METTL4: variants seen among roughly 807,000 people sequenced by gnomAD.
The protein encoded by METTL4 is methyltransferase 4, N6-adenosine, also known as N(6)-adenine-specific methyltransferase METTL4.
In METTL4, 40 loss-of-function variants were observed where a neutral mutation model predicts 54.0. The observed-to-expected ratio is 0.74, with a 90% CI of 0.58 to 0.96. METTL4 has a LOEUF of 0.96. METTL4 is among the 50% of genes least tolerant of loss of function. The pLI is 0.00. For synonymous variants in METTL4, 169 were observed against 183.8 expected (o/e 0.92, Z 0.65); for missense variants, 525 against 549.0 (o/e 0.96, Z 0.44).
chr18:2,570,068 G>A (rs921870608), intron 1 of METTL4, among the ~76,000 whole-genome samples: 3 of 152,218 alleles, frequency 2.0e-5, no homozygotes, highest in Non-Finnish European at 4.4e-5. Flanking sequence ...ACAACTGTAA[G>A]CACACATGAT....
intron 5 of METTL4, among the ~76,000 whole-genome samples, chr18:2,549,440 G>A (rs1029356873): frequency 6.6e-6 from 1 of 152,172 alleles, no homozygotes; most frequent in East Asian, 1.9e-4. Flanking sequence ...AGAAAGAAGA[G>A]GACAGAGAAT....
Position 2,544,212 on chromosome 18 carries a change from T to C in METTL4, c.1256A>G (p.His419Arg), listed in dbSNP as rs954569494. 3 of 1,609,634 alleles carry C rather than the reference T, an allele frequency of 1.9e-6. No homozygotes were observed. Among genetic ancestry groups the C allele is most frequent in the Admixed American group, 1.7e-5 (1 of 58,802 alleles). Residue 419 changes from histidine to arginine, a missense_variant, in exon 8 of 9, where the codon CAT (histidine) becomes CGT (arginine). Physicochemically the swap from His to Arg is conservative, Grantham distance 29 (BLOSUM62 0). Coordinates refer to ENST00000574538, the MANE Select transcript of METTL4 (RefSeq NM_022840.5). ...IVSVPCTLHS[H>R]KPPLAEVLKD... is the part of the protein sequence containing the mutation. ...AAACATACCAGCAAGCGGTGGCTTATGTGAGTGAAGAGTACAGGGCACGCT... is the reference window on the plus strand; with the variant it reads ...AAACATACCAGCAAGCGGTGGCTTACGTGAGTGAAGAGTACAGGGCACGCT...
chr18:2,564,280 A>G (rs1036630844), intron 2 of METTL4, among the ~76,000 whole-genome samples: 3 of 151,364 alleles, frequency 2.0e-5, no homozygotes, highest in Non-Finnish European at 4.4e-5. Flanking sequence ...GCATGGTGGC[A>G]GGCGCCTGTA....
At position 2,554,668 on chromosome 18, in the gene METTL4, C is replaced by G. The variant is rs148311311; in HGVS notation, c.829+1G>C. ...TAATAACAAACACAATAATTACTTACAGTTTAGAAGTGGTTGCATACAAGA... is the reference window on the plus strand; with the variant it reads ...TAATAACAAACACAATAATTACTTAGAGTTTAGAAGTGGTTGCATACAAGA... On this transcript the variant is annotated splice_donor_variant, in intron 4 of 8. Transcript: ENST00000574538. LOFTEE classifies it high-confidence loss of function. 2 of 1,586,894 alleles carry G rather than the reference C, an allele frequency of 1.3e-6. No homozygotes were observed. The highest frequency in any genetic ancestry group is 1.7e-6 in the Non-Finnish European group (2 of 1,173,700).
chr18:2,550,429 AG>A (rs2143512219), intron 5 of METTL4, among the ~76,000 whole-genome samples: 1 of 152,358 alleles, frequency 6.6e-6, no homozygotes, highest in Non-Finnish European at 1.5e-5. Context: ...CAGGCACTGT[AG>A]AAATTAGTTT....
At chr18:2,559,407 G>C (rs945546057) in intron 3 of METTL4, among the ~76,000 whole-genome samples, 1 of 150,026 alleles carries the variant, frequency 6.7e-6, no homozygotes, top group Admixed American at 6.8e-5. Flanking sequence ...AATTCACAGA[G>C]ACAGAAAGTA....
rs755968723 is a variant in METTL4, at chr18:2,561,216, G to A, written c.459+2581C>T. The A allele has an allele frequency of 5.3e-5, 8 of 152,116 alleles. No individual in the cohort carries two copies. The East Asian group carries it at 7.7e-4, about 15-fold the overall frequency. 9.4% of individuals were successfully genotyped at this position (152,116 alleles called of 1,614,324 possible). A position where few individuals can be genotyped will look rare whatever the true frequency, so the allele number is the denominator to read the frequency against. On this transcript the variant is annotated intron_variant, in intron 3 of 8. Transcript: ENST00000574538. ...ATGCACACAAATATTCTTTAATATT[G>A]TATTATAATTTCCACCCTACAGAAT...
At chr18:2,556,121 T>A (rs770450150) in intron 3 of METTL4, among the ~76,000 whole-genome samples, 11 of 152,012 alleles carry the variant, frequency 7.2e-5, no homozygotes, top group South Asian at 2.1e-4. Flanking sequence ...GATCAACACA[T>A]GCATGGGATG....
chr18:2,567,472 C>T lies in METTL4; in HGVS notation c.-256G>A, dbSNP rs1487011738. 4.1e-5 allele frequency: 11 copies of T among 270,320 alleles called. No individual in the cohort carries two copies. Among genetic ancestry groups the T allele is most frequent in the Admixed American group, 1.1e-4 (2 of 18,996 alleles). 16.7% of individuals were successfully genotyped at this position (270,320 alleles called of 1,614,324 possible). A position where few individuals can be genotyped will look rare whatever the true frequency, so the allele number is the denominator to read the frequency against. ...CTTTTTAATTTCAGAGTTGATAATT[C>T]AACATTTTCAGCCAAAATTTGGCCA... is the stretch of plus-strand genomic sequence containing the variant. On this transcript the variant is annotated 5_prime_UTR_variant, in exon 2 of 9. Transcript: ENST00000574538.
At position 2,567,447 on chromosome 18, in the gene METTL4, C is replaced by G. The variant is rs1384993232; in HGVS notation, c.-231G>C. On this transcript the variant is annotated 5_prime_UTR_variant, in exon 2 of 9. Coordinates refer to ENST00000574538, the MANE Select transcript of METTL4 (RefSeq NM_022840.5). The stretch of plus-strand genomic sequence containing the variant: ...ATTGCAATGTTTTAATATAAACTTT[C>G]TTTTTAATTTCAGAGTTGATAATTC... 9 of 338,654 alleles carry G rather than the reference C, an allele frequency of 2.7e-5. No homozygotes were observed. In the East Asian group the frequency reaches 4.5e-4, roughly 17 times the overall value. 21.0% of individuals were successfully genotyped at this position (338,654 alleles called of 1,614,324 possible).
chr18:2,560,742 A>G (rs1335488609), intron 3 of METTL4, among the ~76,000 whole-genome samples: 1 of 151,848 alleles, frequency 6.6e-6, no homozygotes, highest in Admixed American at 6.6e-5. Flanking sequence ...AGCTGGGCGT[A>G]GTGGCGGGCG....
intron 5 of METTL4, among the ~76,000 whole-genome samples, chr18:2,550,363 T>C (rs1053376356): frequency 6.6e-6 from 1 of 151,948 alleles, no homozygotes; most frequent in Non-Finnish European, 1.5e-5. Context: ...AGAAAGAAAA[T>C]GGTGAGAATG....
chr18:2,556,249 T>A (rs924731086), intron 3 of METTL4, among the ~76,000 whole-genome samples: 3 of 151,650 alleles, frequency 2.0e-5, no homozygotes, highest in Non-Finnish European at 4.4e-5. Flanking sequence ...GAAAACCTCA[T>A]AACTCACAGA....
At position 2,567,294 on chromosome 18, in the gene METTL4, C is replaced by A; in HGVS notation, c.-78G>T. On this transcript the variant is annotated 5_prime_UTR_variant, in exon 2 of 9. Transcript: ENST00000574538. ...CTTTCCAGATCAGCTTCTTAAATAT[C>A]TTGTATTTCAATAAACATACACTTC... 1 of 1,345,238 alleles carries A rather than the reference C, an allele frequency of 7.4e-7. No individual in the cohort carries two copies. The highest frequency in any genetic ancestry group is 1.5e-5 in the South Asian group (1 of 68,912). The allele number at this position is 1,345,238 out of a possible 1,614,324, so 83.3% of individuals were successfully genotyped here.
In METTL4 at chr18:2,537,818, T is replaced by C; in HGVS notation, c.*1182A>G. On this transcript the variant is annotated 3_prime_UTR_variant, in exon 9 of 9. Transcript: ENST00000574538. ...CGTGAAAGAAGCCAGGCACAATAGA[T>C]TACACATTGCATGATTCCATTTATA... The C allele has an allele frequency of 5.0e-6, 2 of 398,386 alleles. No homozygotes were observed. Among genetic ancestry groups the C allele is most frequent in the Non-Finnish European group, 8.9e-6 (2 of 225,950 alleles). 24.7% of individuals were successfully genotyped at this position (398,386 alleles called of 1,614,324 possible). A position where few individuals can be genotyped will look rare whatever the true frequency, so the allele number is the denominator to read the frequency against.
chr18:2,566,039 T>A (rs1185062740), intron 2 of METTL4, among the ~76,000 whole-genome samples: 1 of 62,682 alleles, frequency 1.6e-5, no homozygotes, highest in African/African-American at 5.5e-5. Context: ...AGAGCAAGAC[T>A]CTGTCTCAAA....
At position 2,567,081 on chromosome 18, in the gene METTL4, C is replaced by CA. The variant is rs760545055; in HGVS notation, c.135dup (p.Glu46Ter). 6.2e-7 allele frequency: 1 copy of CA among 1,614,178 alleles called. No homozygotes were observed. Among genetic ancestry groups the CA allele is most frequent in the Non-Finnish European group, 8.5e-7 (1 of 1,180,016 alleles). ...GACACAGAATCCATTTGAAGAGACT[C>CA]AAAGTGAACAGAAGTAGTGAACTCC... is the stretch of plus-strand genomic sequence containing the variant. On this transcript the variant is annotated frameshift_variant, in exon 2 of 9. Transcript: ENST00000574538. LOFTEE classifies it high-confidence loss of function.
At chr18:2,551,612 A>T (rs1037343606) in intron 5 of METTL4, among the ~76,000 whole-genome samples, 1 of 152,066 alleles carries the variant, frequency 6.6e-6, no homozygotes, top group Non-Finnish European at 1.5e-5. Context: ...CAGCAGGCAC[A>T]TCTGAACCAG....
chr18:2,556,129 A>G (rs1228709242), intron 3 of METTL4, among the ~76,000 whole-genome samples: 1 of 152,158 alleles, frequency 6.6e-6, no homozygotes, highest in Non-Finnish European at 1.5e-5. Context: ...CATGCATGGG[A>G]TGAAACTACC....
Sources: gnomAD v4.1 joint callset for allele counts (sites outside exome capture counted in the v4.1 genomes callset) on GRCh38, gnomAD v4.1.1 for gene constraint, MANE v1.5 for transcripts, NCBI Gene and HGNC (gene_info 2026-07-23, HGNC 2026-07-21) for gene names.